The following CYTH3 variants were observed in gnomAD, a reference collection of about 807,000 sequenced individuals.
The protein encoded by CYTH3 is cytohesin-3.
CYTH3 carries 23 observed loss-of-function variants against 55.1 expected under a neutral mutation model. That is an observed-to-expected ratio of 0.42 (90% CI 0.30 to 0.59). The LOEUF is 0.59. Among genes scored for constraint, CYTH3 ranks in the 20% least tolerant of loss-of-function variants. CYTH3 has a pLI of 0.20. For missense variants in CYTH3, 413 were observed against 524.8 expected, an observed-to-expected ratio of 0.79 and a Z score of 2.08; for synonymous variants, 249 against 194.9, an observed-to-expected ratio of 1.28 and a Z score of -2.31.
intron 1 of CYTH3, among the ~76,000 whole-genome samples, chr7:6,207,212 A>G (rs917722301): frequency 6.9e-5 from 10 of 145,858 alleles, no homozygotes; most frequent in South Asian, 2.1e-4. Context: ...CTCCTGCCTC[A>G]GCCTCCCGAG....
intron 1 of CYTH3, among the ~76,000 whole-genome samples, chr7:6,226,966 G>GC (rs1229428799): frequency 2.0e-5 from 3 of 151,996 alleles, no homozygotes; most frequent in African/African-American, 7.3e-5. Flanking sequence ...TGTAGTCCCA[G>GC]CTACTCAGGA....
chr7:6,164,688 A>G lies in CYTH3; in HGVS notation c.*256T>C, dbSNP rs771553097. On this transcript the variant is annotated 3_prime_UTR_variant, in exon 13 of 13. Transcript: ENST00000350796. ...TGCGCAGCCGACCATGACCCCAGCCACGGCAGGAGGCCTCGAGGATCAGTC... is the reference window on the plus strand; with the variant it reads ...TGCGCAGCCGACCATGACCCCAGCCGCGGCAGGAGGCCTCGAGGATCAGTC... 16 of 541,324 alleles carry G rather than the reference A, an allele frequency of 3.0e-5. No homozygotes were observed. Among genetic ancestry groups the G allele is most frequent in the Non-Finnish European group, 5.3e-5 (16 of 304,054 alleles). The allele number at this position is 541,324 out of a possible 1,614,324, so 33.5% of individuals were successfully genotyped here.
At chr7:6,252,979 C>G (rs1400174919) in intron 1 of CYTH3, among the ~76,000 whole-genome samples, 4 of 152,178 alleles carry the variant, frequency 2.6e-5, no homozygotes, top group Non-Finnish European at 5.9e-5. Flanking sequence ...CCACTGACAT[C>G]TGAACCACTC....
chr7:6,259,307 A>C (rs550525807), intron 1 of CYTH3, among the ~76,000 whole-genome samples: 83 of 152,342 alleles, frequency 5.4e-4, no homozygotes, highest in African/African-American at 1.9e-3. Flanking sequence ...AGTTTTTCAA[A>C]AGAAGACTAC....
chr7:6,205,201 A>G (rs928564915), intron 1 of CYTH3, among the ~76,000 whole-genome samples: 1 of 152,078 alleles, frequency 6.6e-6, no homozygotes, highest in African/African-American at 2.4e-5. Context: ...AGGAAAACCC[A>G]TTTGTTTGGA....
intron 1 of CYTH3, among the ~76,000 whole-genome samples, chr7:6,215,312 C>G (rs1189898753): frequency 6.6e-6 from 1 of 152,144 alleles, no homozygotes; most frequent in Non-Finnish European, 1.5e-5. Context: ...GAGGACAGGC[C>G]AGGTGCGGTG....
chr7:6,199,238 G>T (rs1298203112), intron 1 of CYTH3, among the ~76,000 whole-genome samples: 2 of 152,162 alleles, frequency 1.3e-5, no homozygotes, highest in Non-Finnish European at 2.9e-5. Context: ...CACAGTTGTT[G>T]AGGTCTATAT....
At chr7:6,168,914 A>G (rs894491428) in intron 9 of CYTH3, among the ~76,000 whole-genome samples, 2 of 152,102 alleles carry the variant, frequency 1.3e-5, no homozygotes, top group Non-Finnish European at 2.9e-5. Context: ...TCAAACGAAC[A>G]TCCCACTTAT....
At chr7:6,255,426 C>G (rs1234313288) in intron 1 of CYTH3, among the ~76,000 whole-genome samples, 1 of 152,166 alleles carries the variant, frequency 6.6e-6, no homozygotes, top group Non-Finnish European at 1.5e-5. Context: ...ATCCTAATTC[C>G]TAGAGACCCC....
At chr7:6,190,422 T>C (rs1180829948) in intron 2 of CYTH3, 27 bp downstream of exon 2, 2 of 1,432,270 alleles carry the variant, frequency 1.4e-6, no homozygotes, top group Non-Finnish European at 1.8e-6. Context: ...GAGTTTTGGA[T>C]TTTTGGTTTT....
intron 1 of CYTH3, among the ~76,000 whole-genome samples, chr7:6,191,895 A>C (rs540644529): frequency 2.0e-5 from 3 of 152,002 alleles, no homozygotes; most frequent in Non-Finnish European, 4.4e-5. Context: ...TGGGCAATAC[A>C]GTGGGACCCC....
intron 1 of CYTH3, among the ~76,000 whole-genome samples, chr7:6,216,936 T>A (rs1241123011): frequency 6.6e-6 from 1 of 151,060 alleles, no homozygotes; most frequent in African/African-American, 2.4e-5. Context: ...TTGGTGTGAC[T>A]GAGTCTCACT....
At chr7:6,190,369 T>TTTTTTTTTG in intron 2 of CYTH3, 80 bp downstream of exon 2, 1 of 1,025,544 alleles carries the variant, frequency 9.8e-7, no homozygotes, top group Non-Finnish European at 1.3e-6. Flanking sequence ...TTTACATTTT[T>TTTTTTTTTG]GTGAGGCTAC....
At position 6,171,354 on chromosome 7, in the gene CYTH3, C is replaced by A; in HGVS notation, c.450-40G>T. 6.3e-7 allele frequency: 1 copy of A among 1,595,814 alleles called. No homozygotes were observed. The highest frequency in any genetic ancestry group is 8.6e-7 in the Non-Finnish European group (1 of 1,164,128). ...AAGCCATGGGAAGCCGCATCAGAAC[C>A]AACACCGCCTCACGGCCAAGGGCGG... On this transcript the variant is annotated intron_variant, in intron 6 of 12. Coordinates refer to ENST00000350796, the MANE Select transcript of CYTH3 (RefSeq NM_004227.4). This position sits in a 1 kb window ranked among gnomAD's most constrained non-coding sequence, Gnocchi z 6.7.
chr7:6,182,984 C>T (rs1464159688), intron 4 of CYTH3, among the ~76,000 whole-genome samples: 1 of 152,240 alleles, frequency 6.6e-6, no homozygotes, highest in Non-Finnish European at 1.5e-5. Context: ...CTGGTTTTTG[C>T]TGCAGCTGCC....
At chr7:6,241,379 G>A (rs1405881061) in intron 1 of CYTH3, among the ~76,000 whole-genome samples, 2 of 152,172 alleles carry the variant, frequency 1.3e-5, no homozygotes, top group Non-Finnish European at 2.9e-5. Context: ...TACCATTTCT[G>A]ACCCATCAGA....
chr7:6,245,529 C>T (rs547994815), intron 1 of CYTH3, among the ~76,000 whole-genome samples: 1 of 152,268 alleles, frequency 6.6e-6, no homozygotes, highest in East Asian at 1.9e-4. Flanking sequence ...CAGGCTTCTT[C>T]CCTACTTTCA....
At chr7:6,254,487 C>T (rs1780051726) in intron 1 of CYTH3, among the ~76,000 whole-genome samples, 2 of 152,192 alleles carry the variant, frequency 1.3e-5, no homozygotes, top group South Asian at 2.1e-4. Context: ...CTCGTTCTGT[C>T]GTCTAGGCTG....
rs1359185709 is a variant in CYTH3, at chr7:6,272,485, T to TCGC, written c.20_22dup (p.Gly7dup). The TCGC allele has an allele frequency of 1.7e-5, 22 of 1,275,384 alleles. No individual in the cohort carries two copies. The highest frequency in any genetic ancestry group is 3.1e-4 in the Middle Eastern group (1 of 3,244). The allele number at this position is 1,275,384 out of a possible 1,614,324, so 79.0% of individuals were successfully genotyped here. ...CCTCCGACACTCACCGCCACCACCCTCGCCGCCGCCGTCTTCATCCATCTT... is the reference window on the plus strand; with the variant it reads ...CCTCCGACACTCACCGCCACCACCCTCGCCGCCGCCGCCGTCTTCATCCATCTT... On this transcript the variant is annotated inframe_insertion, in exon 1 of 13. Coordinates refer to ENST00000350796, the MANE Select transcript of CYTH3 (RefSeq NM_004227.4).
Sources: allele counts gnomAD v4.1 joint callset (sites outside exome capture counted in the v4.1 genomes callset), GRCh38; gene constraint gnomAD v4.1.1; non-coding constraint Gnocchi (gnomAD v3.1); transcripts MANE v1.5; gene names NCBI Gene and HGNC (gene_info 2026-07-23, HGNC 2026-07-21).